AGAP2: variants seen among roughly 807,000 people sequenced by gnomAD.
AGAP2 encodes arf-GAP with GTPase, ANK repeat and PH domain-containing protein 2.
AGAP2 carries 32 observed loss-of-function variants against 110.9 expected under a neutral mutation model. That is an observed-to-expected ratio of 0.29 (90% CI 0.22 to 0.39). The LOEUF (loss-of-function observed/expected upper bound fraction) is 0.39. Ranked by LOEUF, AGAP2 falls within the 10% of genes least tolerant of loss-of-function variation. The pLI is 1.00. For synonymous variants in AGAP2, 702 were observed against 713.0 expected, an observed-to-expected ratio of 0.98 and a Z score of 0.25; for missense variants, 1,285 against 1,638.5, an observed-to-expected ratio of 0.78 and a Z score of 3.72.
At chr12:57,724,400 C>T (rs191258052), downstream of AGAP2, 3 of 152,518 alleles carry the variant, frequency 2.0e-5, no homozygotes, top group Admixed American at 2.0e-4. Flanking sequence ...TGAGTAAACA[C>T]TTTCAGCTGC....
At chr12:57,739,001 TC>T (rs950085467), upstream of AGAP2, among the ~76,000 whole-genome samples, 1 of 73,162 alleles carries the variant, frequency 1.4e-5, no homozygotes, top group Non-Finnish European at 2.9e-5. Context: ...CCACCCTATC[TC>T]CCCCCCACCT....
intron 5 of AGAP2, 95 bp downstream of exon 5, chr12:57,733,931 C>T (rs1387929843): frequency 1.4e-6 from 2 of 1,438,094 alleles, no homozygotes; most frequent in Non-Finnish European, 1.8e-6. Flanking sequence ...GTGGCCATTT[C>T]CACACCTTAC....
At chr12:57,735,265 C>A in intron 2 of AGAP2, 104 bp downstream of exon 2, 1 of 1,134,176 alleles carries the variant, frequency 8.8e-7, no homozygotes. Flanking sequence ...ATTCCCTATT[C>A]CCAAAGAGAG....
chr12:57,734,503 C>A, intron 3 of AGAP2, 89 bp downstream of exon 3: 1 of 1,587,104 alleles, frequency 6.3e-7, no homozygotes, highest in South Asian at 1.1e-5. Context: ...TCATCCTTCC[C>A]CCCTGGTCTC....
At chr12:57,736,662 T>A (rs1192013396) in intron 1 of AGAP2, among the ~76,000 whole-genome samples, 1 of 152,230 alleles carries the variant, frequency 6.6e-6, no homozygotes, top group Non-Finnish European at 1.5e-5. Flanking sequence ...TCATGCCACC[T>A]GCCCCAAGTG....
chr12:57,728,529 A>G (rs1363378796), intron 13 of AGAP2, among the ~76,000 whole-genome samples, 152 bp from the exon 14 acceptor site: 1 of 152,214 alleles, frequency 6.6e-6, no homozygotes, highest in Non-Finnish European at 1.5e-5. Context: ...ACAGATGGGG[A>G]GAGAAAGCAG....
intron 14 of AGAP2, 114 bp downstream of exon 14, chr12:57,728,204 G>A: frequency 6.6e-7 from 1 of 1,512,828 alleles, no homozygotes; most frequent in South Asian, 1.2e-5. Context: ...GTGGGGGTAG[G>A]GAAAGCAGAG....
rs762989519 is a variant in AGAP2 at position 57,732,419 on chromosome 12, G to C, written c.1778C>G (p.Thr593Ser). 1.5e-5 allele frequency: 24 copies of C among 1,605,308 alleles called. No individual in the cohort carries two copies. The East Asian group carries it at 5.4e-4, about 36-fold the overall frequency. The change falls in exon 7 of 19, where the codon ACT becomes AGT. Residue 593 changes from threonine (T) to serine (S), a missense_variant. Physicochemically the swap from Thr to Ser is moderately conservative, Grantham distance 58 (BLOSUM62 1). This residue lies in a region of AGAP2 where 844 missense variants were observed against 941.2 expected (regional missense o/e 0.90). Transcript: ENST00000547588. ...PSSPSHSAAS[T>S]PVAGQASNGG... ...CCAACTCACCTGGCCAGCTACCGGA[G>C]TGGATGCAGCTGAGTGGCTTGGGGA... is the stretch of plus-strand genomic sequence containing the variant.
rs1376628000 is a variant in AGAP2 at position 57,731,895 on chromosome 12, G to A, written c.1867C>T (p.Leu623Phe). Residue 623 changes from leucine (L) to phenylalanine (F), a missense_variant, in exon 8 of 19, where the codon CTC (leucine) becomes TTC (phenylalanine). Transcript: ENST00000547588. ...PSSPNVGHRE[L>F]RAEAAAVAGL... ...GCCACTGCAGCTGCCTCGGCTCGGA[G>A]CTCCCGGTGACCAACATTCGGTGAG... 1 of 1,612,766 alleles carries A rather than the reference G, an allele frequency of 6.2e-7. No individual in the cohort carries two copies. The highest frequency in any genetic ancestry group is 8.5e-7 in the Non-Finnish European group (1 of 1,179,632).
In AGAP2 at chr12:57,726,837, G is replaced by T; in HGVS notation, c.3337-43C>A. On this transcript the variant is annotated intron_variant, in intron 18 of 18. Coordinates refer to ENST00000547588, the MANE Select transcript of AGAP2 (RefSeq NM_001122772.3). This position sits in a 1 kb window ranked among gnomAD's most constrained non-coding sequence, Gnocchi z 5.7. ...CCGCGTGACCGCGCGTCCCCAGGGC[G>T]CCCACACCCGGCGCCGCCTCCCCCA... The T allele has an allele frequency of 7.0e-7, 1 of 1,433,120 alleles. No individual in the cohort carries two copies. The highest frequency in any genetic ancestry group is 2.6e-4 in the Middle Eastern group (1 of 3,910). The allele number at this position is 1,433,120 out of a possible 1,614,324, so 88.8% of individuals were successfully genotyped here. A position where few individuals can be genotyped will look rare whatever the true frequency, so the allele number is the denominator to read the frequency against.
intron 5 of AGAP2, 120 bp from the exon 6 acceptor site, chr12:57,733,099 G>C (rs887818452): frequency 1.5e-6 from 2 of 1,318,294 alleles, no homozygotes; most frequent in East Asian, 2.3e-5. Context: ...GGGTGTGAGA[G>C]ATCATCTTTT....
intron 10 of AGAP2, 30 bp from the exon 11 acceptor site, chr12:57,730,983 G>C (rs956039848): frequency 3.1e-5 from 46 of 1,483,096 alleles, no homozygotes; most frequent in Non-Finnish European, 3.8e-5. Flanking sequence ...AGAGTGTAGG[G>C]AAGGTTGGGG....
At chr12:57,739,281 A>G (rs1283340009), upstream of AGAP2, among the ~76,000 whole-genome samples, 1 of 152,146 alleles carries the variant, frequency 6.6e-6, no homozygotes, top group African/African-American at 2.4e-5. Context: ...GAAGTGGGAA[A>G]GTGGGGGCCC....
chr12:57,741,853 CCTT>C, upstream of AGAP2: 1 of 1,575,018 alleles, frequency 6.3e-7, no homozygotes, highest in Non-Finnish European at 8.7e-7. Flanking sequence ...TACAGCTAAA[CCTT>C]CTATGCACCT....
In AGAP2 at chr12:57,738,354, C is replaced by A; in HGVS notation, c.-108G>T. ...CTCGCTGCCCCCAGCCCCCGGACCCCGCTGAGCCCCCGGCCCGGCTCCGCT... is the reference window on the plus strand; with the variant it reads ...CTCGCTGCCCCCAGCCCCCGGACCCAGCTGAGCCCCCGGCCCGGCTCCGCT... On this transcript the variant is annotated 5_prime_UTR_variant, in exon 1 of 19. Coordinates refer to ENST00000547588, the MANE Select transcript of AGAP2 (RefSeq NM_001122772.3). The surrounding 1 kb of genome is among the most constrained non-coding windows in gnomAD (Gnocchi z 6.7). 3 of 1,260,066 alleles carry A rather than the reference C, an allele frequency of 2.4e-6. No homozygotes were observed. Among genetic ancestry groups the A allele is most frequent in the Non-Finnish European group, 1.0e-6 (1 of 1,000,100 alleles). 78.1% of individuals were successfully genotyped at this position (1,260,066 alleles called of 1,614,324 possible). A position where few individuals can be genotyped will look rare whatever the true frequency, so the allele number is the denominator to read the frequency against.
rs1412830902 is a variant in AGAP2 at position 57,732,482 on chromosome 12, T to C, written c.1715A>G (p.Gln572Arg). The change falls in exon 7 of 19, where the codon CAG becomes CGG. Residue 572 changes from glutamine to arginine, a missense_variant. Coordinates refer to ENST00000547588, the MANE Select transcript of AGAP2 (RefSeq NM_001122772.3). Reference protein sequence around the residue: ...VAQKVVTLRKQQQLLAACKSL... With the variant: ...VAQKVVTLRKRQQLLAACKSL... ...CTTGCAGGCAGCCAGAAGCTGTTGC[T>C]GCTTGCGCAAGGTCACCACCTTCTG... 3.8e-6 allele frequency: 6 copies of C among 1,593,524 alleles called. No individual in the cohort carries two copies. In the East Asian group the frequency reaches 1.1e-4, roughly 30 times the overall value.
At chr12:57,734,565 A>C in intron 3 of AGAP2, 27 bp downstream of exon 3, 3 of 1,612,950 alleles carry the variant, frequency 1.9e-6, no homozygotes, top group Non-Finnish European at 2.5e-6. Flanking sequence ...CCCAATGGTT[A>C]GCTTACTATG....
Position 57,732,885 on chromosome 12 carries a change from A to G in AGAP2, c.1644T>C (p.Cys548=), listed in dbSNP as rs1180365720. 4 of 1,614,064 alleles carry G rather than the reference A, an allele frequency of 2.5e-6. No individual in the cohort carries two copies. In the South Asian group the frequency reaches 4.4e-5, roughly 18 times the overall value. The stretch of plus-strand genomic sequence containing the variant: ...GATCCACATTGAGCCCATAGGTTGC[A>G]CAAGTCTCATAGTAGCTGCAGCGTT... The part of the protein sequence containing the change: ...DMKRCSYYET[C]ATYGLNVDRV... The change falls in exon 6 of 19, where the codon TGT becomes TGC. Residue 548 remains cysteine (C), a synonymous_variant. Coordinates refer to ENST00000547588, the MANE Select transcript of AGAP2 (RefSeq NM_001122772.3).
In AGAP2 at chr12:57,730,507, C is replaced by T. The variant is rs1954864243; in HGVS notation, c.2416G>A (p.Ala806Thr). The stretch of plus-strand genomic sequence containing the variant: ...CATCCCCACTGACCCGTGCTGAGGG[C>T]TCGGGCCAAATTCCGGTCTGGCTTC... ...LLKPDRNLARALSTDCTPSGD... is the reference protein window; with the variant it reads ...LLKPDRNLARTLSTDCTPSGD... The change falls in exon 12 of 19, where the codon GCC becomes ACC. Residue 806 changes from alanine (A) to threonine (T), a missense_variant. Physicochemically the swap from Ala to Thr is moderately conservative, Grantham distance 58. Around this residue, in one of 7 missense-constraint regions of AGAP2, gnomAD observed 135 missense variants for 182.0 expected, o/e 0.74. Coordinates refer to ENST00000547588, the MANE Select transcript of AGAP2 (RefSeq NM_001122772.3). 1.2e-6 allele frequency: 2 copies of T among 1,614,014 alleles called. No homozygotes were observed. Among genetic ancestry groups the T allele is most frequent in the African/African-American group, 2.7e-5 (2 of 74,918 alleles).
Sources: allele counts gnomAD v4.1 joint callset (sites outside exome capture counted in the v4.1 genomes callset), GRCh38; gene constraint gnomAD v4.1.1; regional missense constraint gnomAD v4.1.1; non-coding constraint Gnocchi (gnomAD v3.1); transcripts MANE v1.5; gene names NCBI Gene and HGNC (gene_info 2026-07-23, HGNC 2026-07-21).